The following AGAP1 variants were observed in gnomAD, a reference collection of about 807,000 sequenced individuals.
The protein encoded by AGAP1 is ArfGAP with GTPase domain, ankyrin repeat and PH domain 1, also known as arf-GAP with GTPase, ANK repeat and PH domain-containing protein 1.
In AGAP1, 29 loss-of-function variants were observed where a neutral mutation model predicts 105.3. The observed-to-expected ratio is 0.28, with a 90% confidence interval of 0.21 to 0.38. The LOEUF is 0.38. Ranked by LOEUF, AGAP1 falls within the 10% of genes least tolerant of loss-of-function variation. The probability of loss-of-function intolerance (pLI) is 1.00; values close to 1 mark genes in which losing one functional copy is unlikely to be tolerated. For synonymous variants in AGAP1, 509 were observed against 485.9 expected, an observed-to-expected ratio of 1.05 and a Z score of -0.63; for missense variants, 998 against 1,165.1, an observed-to-expected ratio of 0.86 and a Z score of 2.09.
At chr2:235,802,717 TGTG>T (rs1218998214) in intron 8 of AGAP1, among the ~76,000 whole-genome samples, 2 of 113,046 alleles carry the variant, frequency 1.8e-5, no homozygotes, top group Non-Finnish European at 3.7e-5. Flanking sequence ...TAATGATGGT[TGTG>T]GTTGTGATGG....
intron 13 of AGAP1, among the ~76,000 whole-genome samples, chr2:235,985,023 G>A (rs530062654): frequency 1.3e-5 from 2 of 152,118 alleles, no homozygotes; most frequent in Admixed American, 6.6e-5. Flanking sequence ...TTGAGGAATC[G>A]CCATACTGTC....
rs1291907257 is a variant in AGAP1 at position 236,014,545 on chromosome 2, C to T, written c.1646-22016C>T. Among the ~76,000 whole-genome samples the T allele has an allele frequency of 6.6e-6, 1 of 152,096 alleles. No homozygotes were observed. Among genetic ancestry groups the T allele is most frequent in the Non-Finnish European group, 1.5e-5 (1 of 68,026 alleles). On this transcript the variant is annotated intron_variant, in intron 13 of 17. Coordinates refer to ENST00000304032, the MANE Select transcript of AGAP1 (RefSeq NM_001037131.3). This position sits in a 1 kb window ranked among gnomAD's most constrained non-coding sequence, Gnocchi z 6.3. ...CAGCAGGGCGAAGCAGACTTCTGCG[C>T]GTGGGTAGTTCTTTGACGTTAGATG...
In AGAP1 at chr2:236,121,597, C is replaced by T. The variant is rs897840354; in HGVS notation, c.2370+1150C>T. 2.6e-5 allele frequency among the ~76,000 whole-genome samples: 4 copies of T among 152,152 alleles called. No individual in the cohort carries two copies. The highest frequency in any genetic ancestry group is 5.9e-5 in the Non-Finnish European group (4 of 68,028). On this transcript the variant is annotated intron_variant, in intron 17 of 17. Coordinates refer to ENST00000304032, the MANE Select transcript of AGAP1 (RefSeq NM_001037131.3). This position sits in a 1 kb window ranked among gnomAD's most constrained non-coding sequence, Gnocchi z 4.9. ...TACAGGCATGACCCACCACGCCCAG[C>T]CTTGATCTGACTTTTTTGATGGGTG...
rs952867595 is a variant in AGAP1, at chr2:235,510,255, C to T, written c.163+15406C>T. ...CCTTCAGTGGGAAAATTGTCTTCCA[C>T]GAAACCGGTCCCTGATGCCAAGAAG... On this transcript the variant is annotated intron_variant, in intron 1 of 17. Coordinates refer to ENST00000304032, the MANE Select transcript of AGAP1 (RefSeq NM_001037131.3). Among the ~76,000 whole-genome samples, 8 of 152,310 alleles carry T rather than the reference C, an allele frequency of 5.3e-5. No individual in the cohort carries two copies. In the South Asian group the frequency reaches 6.2e-4, roughly 12 times the overall value.
At chr2:236,070,382 T>C (rs1228306750) in intron 16 of AGAP1, among the ~76,000 whole-genome samples, 1 of 152,160 alleles carries the variant, frequency 6.6e-6, no homozygotes, top group East Asian at 1.9e-4. Flanking sequence ...AAGTTATGAG[T>C]TCCTCTGAAG....
intron 6 of AGAP1, among the ~76,000 whole-genome samples, chr2:235,783,022 T>TTG (rs112987473): frequency 0.22 from 30,644 of 140,832 alleles, 3,423 homozygotes; most frequent in East Asian, 0.51. Context: ...CGGCAGGAGA[T>TTG]TGTGTGTGTG....
intron 1 of AGAP1, among the ~76,000 whole-genome samples, chr2:235,627,424 C>A (rs543173632): frequency 2.0e-5 from 3 of 152,220 alleles, no homozygotes; most frequent in African/African-American, 7.2e-5. Flanking sequence ...AGGATTTCGT[C>A]ATGTTGGCCC....
At chr2:235,771,467 G>A (rs1672297959) in intron 6 of AGAP1, among the ~76,000 whole-genome samples, 1 of 152,226 alleles carries the variant, frequency 6.6e-6, no homozygotes, top group African/African-American at 2.4e-5. Context: ...CCTAAGGCAT[G>A]TGGGCGTGCA....
rs974217654 is a variant in AGAP1 at position 236,049,144 on chromosome 2, C to T, written c.1977C>T (p.Ser659=). 25 of 1,614,120 alleles carry T rather than the reference C, an allele frequency of 1.5e-5. No individual in the cohort carries two copies. Among genetic ancestry groups the T allele is most frequent in the Non-Finnish European group, 2.0e-5 (24 of 1,180,056 alleles). The stretch of plus-strand genomic sequence containing the variant: ...ACCGGAATCTTGGCACCCACCTTTC[C>T]CGAGTCCGATCTCTGGACCTGGATG... ...GIHRNLGTHL[S]RVRSLDLDDW... is the part of the protein sequence containing the mutation. Residue 659 remains serine, a synonymous_variant, in exon 16 of 18, where the codon TCC becomes TCT. Transcript: ENST00000304032.
At chr2:236,102,068 G>A (rs1476093640) in intron 16 of AGAP1, among the ~76,000 whole-genome samples, 1 of 151,882 alleles carries the variant, frequency 6.6e-6, no homozygotes, top group East Asian at 2.0e-4. Flanking sequence ...GATCTCTTGA[G>A]GCCAGGATTT....
Position 236,080,421 on chromosome 2 carries a change from T to A in AGAP1, c.2114+31140T>A, listed in dbSNP as rs956223468. Among the ~76,000 whole-genome samples, 2 of 152,032 alleles carry A rather than the reference T, an allele frequency of 1.3e-5. No individual in the cohort carries two copies. The highest frequency in any genetic ancestry group is 4.1e-4 in the South Asian group (2 of 4,822). ...GGACGTCAGTTTGCAACCAGACAAG[T>A]TTAGAGGCCTGTGGAATTCCCAGGC... On this transcript the variant is annotated intron_variant, in intron 16 of 17. Transcript: ENST00000304032. The surrounding 1 kb of genome is among the most constrained non-coding windows in gnomAD (Gnocchi z 4.2).
chr2:235,653,332 C>T (rs374362135), intron 1 of AGAP1, among the ~76,000 whole-genome samples: 1 of 151,638 alleles, frequency 6.6e-6, no homozygotes, highest in Non-Finnish European at 1.5e-5. Flanking sequence ...GGTGTGGTGG[C>T]GGGCACCTGT....
intron 12 of AGAP1, among the ~76,000 whole-genome samples, chr2:235,939,458 T>C (rs902531856): frequency 1.2e-4 from 18 of 151,994 alleles, no homozygotes. Context: ...TCCCAGGTAT[T>C]GGATCACTCC....
rs1195970669 is a variant in AGAP1 at position 236,078,112 on chromosome 2, G to T, written c.2114+28831G>T. Among the ~76,000 whole-genome samples, 1 of 151,098 alleles carries T rather than the reference G, an allele frequency of 6.6e-6. No homozygotes were observed. The highest frequency in any genetic ancestry group is 1.5e-5 in the Non-Finnish European group (1 of 67,782). On this transcript the variant is annotated intron_variant, in intron 16 of 17. Transcript: ENST00000304032. This position sits in a 1 kb window ranked among gnomAD's most constrained non-coding sequence, Gnocchi z 5.3. ...GTAGGGCAGGCCAGCTGGTGTGTGT[G>T]TGCATGTGTGTAATCTGAAGTGTGT...
chr2:235,524,560 A>G, intron 1 of AGAP1: 1 of 203,500 alleles, frequency 4.9e-6, no homozygotes, highest in Non-Finnish European at 1.2e-5. Flanking sequence ...CCCCCACCCC[A>G]CTACTGCCCG....
At chr2:235,617,884 A>G (rs1334230814) in intron 1 of AGAP1, among the ~76,000 whole-genome samples, 1 of 152,168 alleles carries the variant, frequency 6.6e-6, no homozygotes, top group African/African-American at 2.4e-5. Context: ...ATATGCATGC[A>G]TGCACTTTTG....
chr2:235,681,868 T>G (rs964108388), intron 1 of AGAP1, among the ~76,000 whole-genome samples: 6 of 91,964 alleles, frequency 6.5e-5, no homozygotes, highest in Admixed American at 2.2e-4. Context: ...TTTTTTTTTT[T>G]GATACAGAGT....
chr2:235,721,882 C>T lies in AGAP1; in HGVS notation c.310+4238C>T, dbSNP rs1951404937. Among the ~76,000 whole-genome samples the T allele has an allele frequency of 6.6e-6, 1 of 152,160 alleles. No homozygotes were observed. Among genetic ancestry groups the T allele is most frequent in the Non-Finnish European group, 1.5e-5 (1 of 68,020 alleles). ...TCCTTTTCAGCAGATACATCAGATG[C>T]ATTTTAGCTCCATCCCAGAGGGTAA... On this transcript the variant is annotated intron_variant, in intron 3 of 17. Transcript: ENST00000304032. This position sits in a 1 kb window ranked among gnomAD's most constrained non-coding sequence, Gnocchi z 4.5.
intron 8 of AGAP1, among the ~76,000 whole-genome samples, chr2:235,804,077 T>C (rs565664825): frequency 6.6e-6 from 1 of 152,226 alleles, no homozygotes; most frequent in Admixed American, 6.5e-5. Flanking sequence ...ACGCTGCTAC[T>C]GCAAGAAATA....
Sources: allele counts gnomAD v4.1 joint callset (sites outside exome capture counted in the v4.1 genomes callset), GRCh38; gene constraint gnomAD v4.1.1; non-coding constraint Gnocchi (gnomAD v3.1); transcripts MANE v1.5; gene names NCBI Gene and HGNC (gene_info 2026-07-23, HGNC 2026-07-21).